SLC1A2: variants seen among roughly 807,000 people sequenced by gnomAD.
SLC1A2 encodes the protein excitatory amino acid transporter 2.
A neutral mutation model predicts 48.8 loss-of-function variants in SLC1A2; 15 were observed. The ratio of observed to expected loss-of-function variants is 0.31; its 90% CI spans 0.21 to 0.47. SLC1A2 has a LOEUF of 0.47. Among genes scored for constraint, SLC1A2 ranks in the 20% least tolerant of loss-of-function variants. The pLI is 0.99. For synonymous variants in SLC1A2, 279 were observed against 272.6 expected (o/e 1.02, Z -0.23); for missense variants, 502 against 730.5 (o/e 0.69, Z 3.61).
chr11:35,335,507 G>A (rs1368275875), intron 1 of SLC1A2, among the ~76,000 whole-genome samples: 1 of 152,112 alleles, frequency 6.6e-6, no homozygotes, highest in African/African-American at 2.4e-5. Flanking sequence ...CCAGACCCTG[G>A]GCATGCCATT....
chr11:35,308,010 A>C (rs542577081), intron 4 of SLC1A2, among the ~76,000 whole-genome samples: 1 of 152,322 alleles, frequency 6.6e-6, no homozygotes, highest in East Asian at 1.9e-4. Context: ...TCACAAGAGA[A>C]GCTTATGTGA....
chr11:35,401,587 G>A (rs747305447), intron 1 of SLC1A2, among the ~76,000 whole-genome samples: 1 of 152,144 alleles, frequency 6.6e-6, no homozygotes, highest in East Asian at 1.9e-4. Context: ...GTGAGAGGAG[G>A]GGTCCACTCC....
rs1325729099 is a variant in SLC1A2 at position 35,257,021 on chromosome 11, CT to C, written c.*3872del. ...AAAAGTAAAAAAAACTATAACATCA[CT>C]TTTGCTATTGAGAGCAAAGGGACGT... On this transcript the variant is annotated 3_prime_UTR_variant, in exon 11 of 11. Transcript: ENST00000278379. 6.6e-6 allele frequency: 1 copy of C among 152,180 alleles called. No individual in the cohort carries two copies. Among genetic ancestry groups the C allele is most frequent in the African/African-American group, 2.4e-5 (1 of 41,448 alleles). The allele number at this position is 152,180 out of a possible 1,614,324, so 9.4% of individuals were successfully genotyped here. A position where few individuals can be genotyped will look rare whatever the true frequency, so the allele number is the denominator to read the frequency against.
At chr11:35,287,112 C>T (rs889474919) in intron 7 of SLC1A2, among the ~76,000 whole-genome samples, 161 bp from the exon 8 acceptor site, 2 of 152,272 alleles carry the variant, frequency 1.3e-5, no homozygotes, top group South Asian at 2.1e-4. Flanking sequence ...ATTAAAAACT[C>T]GTGAGTTGGA....
chr11:35,352,858 A>G (rs1340752284), intron 1 of SLC1A2, among the ~76,000 whole-genome samples: 1 of 152,232 alleles, frequency 6.6e-6, no homozygotes, highest in East Asian at 1.9e-4. Flanking sequence ...AGGTTTGAGC[A>G]GGAAGCAAGA....
chr11:35,389,878 G>C (rs1854707273), intron 1 of SLC1A2, among the ~76,000 whole-genome samples: 1 of 152,138 alleles, frequency 6.6e-6, no homozygotes, highest in Non-Finnish European at 1.5e-5. Context: ...CTCCCAGAGT[G>C]TTGGATTACA....
At chr11:35,358,139 G>A (rs994028189) in intron 1 of SLC1A2, among the ~76,000 whole-genome samples, 11 of 150,442 alleles carry the variant, frequency 7.3e-5, no homozygotes, top group African/African-American at 1.7e-4. Flanking sequence ...GCAAGACTCC[G>A]TCTAAAAAAA....
rs555598007 is a variant in SLC1A2, at chr11:35,392,789, A to G, written c.17+26161T>C. ...CTGGAAGATTCAGCAGTGCATGTGT[A>G]TGCTTGGAGAGGGAGGGTGGATAAA... On this transcript the variant is annotated intron_variant, in intron 1 of 10. Coordinates refer to ENST00000278379, the MANE Select transcript of SLC1A2 (RefSeq NM_004171.4). Among the ~76,000 whole-genome samples, 6 of 152,296 alleles carry G rather than the reference A, an allele frequency of 3.9e-5. No individual in the cohort carries two copies. In the South Asian group the frequency reaches 1.0e-3, roughly 26 times the overall value.
At chr11:35,326,421 C>T (rs531174888) in intron 1 of SLC1A2, among the ~76,000 whole-genome samples, 124 of 152,316 alleles carry the variant, frequency 8.1e-4, no homozygotes, top group African/African-American at 2.9e-3. Flanking sequence ...TGAGCCTTTC[C>T]AATCAGTCTC....
intron 4 of SLC1A2, chr11:35,307,295 C>T (rs759411592): frequency 2.0e-5 from 3 of 152,208 alleles, no homozygotes; most frequent in Non-Finnish European, 4.4e-5. Flanking sequence ...GGAGCATTTG[C>T]TTATATTTCA....
intron 1 of SLC1A2, among the ~76,000 whole-genome samples, chr11:35,382,575 C>T (rs1854463584): frequency 6.6e-6 from 1 of 152,200 alleles, no homozygotes. Context: ...GTGGGTGGAT[C>T]ACTTGAGCTC....
At chr11:35,265,453 G>GTT (rs35055326) in intron 10 of SLC1A2, 74 bp downstream of exon 10, 18,740 of 669,070 alleles carry the variant, frequency 0.028, 20 homozygotes, top group South Asian at 0.051. Context: ...GGGCTTTACG[G>GTT]TTTTTTTTTT....
At chr11:35,371,920 G>T (rs1263919810) in intron 1 of SLC1A2, among the ~76,000 whole-genome samples, 4 of 152,194 alleles carry the variant, frequency 2.6e-5, no homozygotes, top group African/African-American at 7.2e-5. Context: ...AATTGTTTCA[G>T]TTGGAAAAGC....
chr11:35,356,637 T>G (rs1853478203), intron 1 of SLC1A2, among the ~76,000 whole-genome samples: 1 of 152,176 alleles, frequency 6.6e-6, no homozygotes, highest in Non-Finnish European at 1.5e-5. Flanking sequence ...CTTCTGAGGG[T>G]CTAGAATATT....
intron 1 of SLC1A2, among the ~76,000 whole-genome samples, chr11:35,358,100 G>T (rs927121607): frequency 2.6e-5 from 4 of 151,834 alleles, no homozygotes; most frequent in Admixed American, 6.6e-5. Flanking sequence ...AGTCGAGATT[G>T]TGTCACTGTA....
intron 1 of SLC1A2, among the ~76,000 whole-genome samples, chr11:35,332,875 A>G (rs958328351): frequency 6.6e-6 from 1 of 152,222 alleles, no homozygotes; most frequent in Non-Finnish European, 1.5e-5. Flanking sequence ...CAATTTCATT[A>G]TAAGCAAATT....
intron 1 of SLC1A2, among the ~76,000 whole-genome samples, chr11:35,401,960 C>A (rs1297481637): frequency 6.6e-6 from 1 of 152,040 alleles, no homozygotes. Context: ...ACTTCCTGTG[C>A]CCCCACCCAA....
At chr11:35,309,297 C>G (rs542393490) in intron 4 of SLC1A2, among the ~76,000 whole-genome samples, 2 of 152,292 alleles carry the variant, frequency 1.3e-5, no homozygotes, top group Non-Finnish European at 2.9e-5. Flanking sequence ...GTCTCCTCCC[C>G]CCGTGGCATC....
chr11:35,275,588 A>G (rs1167701236), intron 9 of SLC1A2, among the ~76,000 whole-genome samples: 1 of 152,212 alleles, frequency 6.6e-6, no homozygotes, highest in Non-Finnish European at 1.5e-5. Context: ...GGTTTTCACC[A>G]TGACATTTAC....
Sources: allele counts gnomAD v4.1 joint callset (sites outside exome capture counted in the v4.1 genomes callset), GRCh38; gene constraint gnomAD v4.1.1; transcripts MANE v1.5; gene names NCBI Gene and HGNC (gene_info 2026-07-23, HGNC 2026-07-21).